SGPP2: variants seen among roughly 807,000 people sequenced by gnomAD.
The protein encoded by SGPP2 is sphingosine-1-phosphate phosphatase 2.
Under a neutral mutation model 33.9 loss-of-function variants are expected in SGPP2, and 30 were observed. The observed-to-expected ratio is 0.89, with a 90% CI of 0.66 to 1.20. The LOEUF is 1.20. Among genes scored for constraint, SGPP2 ranks in the 50% most tolerant of loss-of-function variants. SGPP2 has a pLI of 0.00. For synonymous variants in SGPP2, 233 were observed against 225.0 expected, an observed-to-expected ratio of 1.04 and a Z score of -0.32; for missense variants, 458 against 532.1, an observed-to-expected ratio of 0.86 and a Z score of 1.37.
At chr2:222,425,771 G>A (rs1201348102) in intron 1 of SGPP2, among the ~76,000 whole-genome samples, 5 of 152,150 alleles carry the variant, frequency 3.3e-5, no homozygotes, top group Admixed American at 6.5e-5. Context: ...GAAGGTTTTG[G>A]TGAAAGAAAG....
At chr2:222,522,613 A>G (rs894401953) in intron 3 of SGPP2, among the ~76,000 whole-genome samples, 3 of 152,226 alleles carry the variant, frequency 2.0e-5, no homozygotes, top group African/African-American at 7.2e-5. Flanking sequence ...TTTGAGACCT[A>G]TGGATCTAAT....
intron 1 of SGPP2, among the ~76,000 whole-genome samples, chr2:222,436,914 G>C (rs28849194): frequency 6.6e-6 from 1 of 152,178 alleles, no homozygotes; most frequent in African/African-American, 2.4e-5. Flanking sequence ...GTGGCCATAG[G>C]TCAGCCTTGG....
Position 222,558,523 on chromosome 2 carries a change from G to A in SGPP2, c.825G>A (p.Ala275=), listed in dbSNP as rs774810334. ...PVSDYYSPTR[A]DTTTILAAGA... The stretch of plus-strand genomic sequence containing the variant: ...CTGATTACTACAGCCCAACCCGGGC[G>A]GACACCACCACCATTCTGGCTGCCG... Residue 275 remains alanine, a synonymous_variant, in exon 5 of 5, where the codon GCG becomes GCA. Transcript: ENST00000321276. 30 of 1,614,012 alleles carry A rather than the reference G, an allele frequency of 1.9e-5. No individual in the cohort carries two copies. The highest frequency in any genetic ancestry group is 8.9e-5 in the East Asian group (4 of 44,902).
At chr2:222,547,565 CT>C (rs1342936362) in intron 4 of SGPP2, among the ~76,000 whole-genome samples, 1 of 152,124 alleles carries the variant, frequency 6.6e-6, no homozygotes, top group African/African-American at 2.4e-5. Flanking sequence ...TACTCAAATA[CT>C]TTTCCAGTTA....
intron 2 of SGPP2, 63 bp downstream of exon 2, chr2:222,474,789 C>T: frequency 7.9e-7 from 1 of 1,262,254 alleles, no homozygotes; most frequent in South Asian, 1.5e-5. Flanking sequence ...CTTTGATACT[C>T]AAGTACTTTG....
chr2:222,490,156 A>G (rs887539611), intron 2 of SGPP2, among the ~76,000 whole-genome samples: 56 of 152,188 alleles, frequency 3.7e-4, no homozygotes, highest in African/African-American at 1.3e-3. Context: ...ATATTTTTAT[A>G]AATTTTTATG....
intron 1 of SGPP2, among the ~76,000 whole-genome samples, chr2:222,467,625 A>G (rs982926650): frequency 1.3e-5 from 2 of 152,002 alleles, no homozygotes; most frequent in Non-Finnish European, 2.9e-5. Context: ...AGCTCACTCC[A>G]TATTCATTTC....
chr2:222,529,220 C>T (rs751535141), intron 4 of SGPP2, among the ~76,000 whole-genome samples: 3 of 152,162 alleles, frequency 2.0e-5, no homozygotes, highest in Non-Finnish European at 4.4e-5. Flanking sequence ...AGATTACTTT[C>T]TTTGTTTATC....
intron 2 of SGPP2, among the ~76,000 whole-genome samples, chr2:222,481,865 A>G (rs1483207233): frequency 6.6e-6 from 1 of 152,180 alleles, no homozygotes; most frequent in Non-Finnish European, 1.5e-5. Context: ...TTTTCACCTA[A>G]CATCAAAAGA....
intron 2 of SGPP2, among the ~76,000 whole-genome samples, chr2:222,475,597 G>A (rs568784971): frequency 1.8e-4 from 27 of 152,324 alleles, no homozygotes; most frequent in African/African-American, 4.8e-4. Flanking sequence ...TTGAGAGAAC[G>A]TCTAGTGTAG....
At chr2:222,556,468 G>A (rs56353541) in intron 4 of SGPP2, among the ~76,000 whole-genome samples, 1 of 112,200 alleles carries the variant, frequency 8.9e-6, no homozygotes, top group East Asian at 2.9e-4. Flanking sequence ...TCACTCCCCC[G>A]CATCCACTCT....
intron 2 of SGPP2, among the ~76,000 whole-genome samples, chr2:222,499,840 A>G (rs1299306082): frequency 2.6e-5 from 4 of 152,070 alleles, no homozygotes; most frequent in Admixed American, 1.3e-4. Flanking sequence ...TGTTTACCCT[A>G]AATAAGGCCT....
Position 222,449,470 on chromosome 2 carries a change from A to T in SGPP2, c.219+24649A>T, listed in dbSNP as rs539697129. Among the ~76,000 whole-genome samples, 6 of 141,214 alleles carry T rather than the reference A, an allele frequency of 4.2e-5. No homozygotes were observed. The South Asian group carries it at 1.1e-3, about 27-fold the overall frequency. The allele number at this position is 141,214 out of a possible 152,430, so 92.6% of individuals were successfully genotyped here. Reference sequence around the variant, plus strand: ...ATGCAGCCTTTACTCAGGTCAGCCAATTTTTTTTTTTTTTTTTGAGACGGA... The same window carrying T: ...ATGCAGCCTTTACTCAGGTCAGCCATTTTTTTTTTTTTTTTTTGAGACGGA... On this transcript the variant is annotated intron_variant, in intron 1 of 4. Transcript: ENST00000321276.
intron 4 of SGPP2, among the ~76,000 whole-genome samples, chr2:222,549,909 A>G (rs1023162523): frequency 6.9e-6 from 1 of 144,530 alleles, no homozygotes; most frequent in African/African-American, 2.6e-5. Context: ...AGACAGTCTC[A>G]CTCTGTCACC....
At chr2:222,533,407 G>A (rs1175394825) in intron 4 of SGPP2, among the ~76,000 whole-genome samples, 1 of 152,202 alleles carries the variant, frequency 6.6e-6, no homozygotes, top group Non-Finnish European at 1.5e-5. Context: ...ACAGGTCGCA[G>A]AGCAGAAATG....
rs1248659997 is a variant in SGPP2, at chr2:222,460,983, A to C, written c.220-13585A>C. On this transcript the variant is annotated intron_variant, in intron 1 of 4. Transcript: ENST00000321276. The surrounding 1 kb of genome is among the most constrained non-coding windows in gnomAD (Gnocchi z 4.3). The stretch of plus-strand genomic sequence containing the variant: ...ATGATAATAGCTCACTGCAGCCTTG[A>C]ACCCCCAGGCTCAAACACTCCTCCT... Among the ~76,000 whole-genome samples, 2 of 152,102 alleles carry C rather than the reference A, an allele frequency of 1.3e-5. No homozygotes were observed. The highest frequency in any genetic ancestry group is 2.9e-5 in the Non-Finnish European group (2 of 68,016).
intron 4 of SGPP2, among the ~76,000 whole-genome samples, chr2:222,525,752 T>TG (rs1358575328): frequency 6.6e-6 from 1 of 152,158 alleles, no homozygotes; most frequent in African/African-American, 2.4e-5. Context: ...TAAAAAGAAA[T>TG]GGGCCCTTGC....
intron 1 of SGPP2, among the ~76,000 whole-genome samples, chr2:222,426,442 C>T (rs1028552506): frequency 6.6e-6 from 1 of 152,184 alleles, no homozygotes; most frequent in Non-Finnish European, 1.5e-5. Flanking sequence ...CTGTTTTAAA[C>T]ATCACCCCTG....
chr2:222,501,066 A>G (rs1384479329), intron 2 of SGPP2, among the ~76,000 whole-genome samples: 1 of 152,188 alleles, frequency 6.6e-6, no homozygotes, highest in African/African-American at 2.4e-5. Context: ...TTTTTTAAAG[A>G]GAACCAAATT....
Sources: allele counts gnomAD v4.1 joint callset (sites outside exome capture counted in the v4.1 genomes callset), GRCh38; gene constraint gnomAD v4.1.1; non-coding constraint Gnocchi (gnomAD v3.1); transcripts MANE v1.5; gene names NCBI Gene and HGNC (gene_info 2026-07-23, HGNC 2026-07-21).